The following KLF12 variants were observed in gnomAD, a reference collection of about 807,000 sequenced individuals.
The protein encoded by KLF12 is KLF transcription factor 12.
A neutral mutation model predicts 37.8 loss-of-function variants in KLF12; 9 were observed. The observed-to-expected ratio is 0.24, with a 90% CI of 0.14 to 0.42. The LOEUF is 0.42. Among genes scored for constraint, KLF12 ranks in the 10% least tolerant of loss-of-function variants. The pLI is 1.00. For synonymous variants in KLF12, 208 were observed against 202.1 expected (o/e 1.03, Z -0.25); for missense variants, 411 against 516.0 (o/e 0.80, Z 1.97).
chr13:73,961,878 C>A (rs965051925), intron 2 of KLF12: 1 of 393,934 alleles, frequency 2.5e-6, no homozygotes, highest in Non-Finnish European at 5.0e-6. Flanking sequence ...GCAACAGGAA[C>A]TCTCATTTCT....
At chr13:73,786,426 A>G (rs1881347601) in intron 5 of KLF12, among the ~76,000 whole-genome samples, 1 of 152,114 alleles carries the variant, frequency 6.6e-6, no homozygotes, top group Non-Finnish European at 1.5e-5. Context: ...AAAAACTCTC[A>G]TGTTCTACCC....
chr13:74,133,499 C>T (rs537034863), intron 1 of KLF12, among the ~76,000 whole-genome samples: 4 of 152,222 alleles, frequency 2.6e-5, no homozygotes. Flanking sequence ...CTTCTTTCTT[C>T]TCCACGAATC....
chr13:74,249,147 G>T, the KLF12 span, among the ~76,000 whole-genome samples: 1 of 151,500 alleles, frequency 6.6e-6, no homozygotes, highest in Admixed American at 6.6e-5. Context: ...TTCTTTCTCT[G>T]CCTCAAGATT....
At chr13:73,804,149 C>T (rs1443464311) in intron 5 of KLF12, among the ~76,000 whole-genome samples, 1 of 152,166 alleles carries the variant, frequency 6.6e-6, no homozygotes, top group African/African-American at 2.4e-5. Flanking sequence ...ATACACTCTT[C>T]CACATGCCAA....
At chr13:73,728,010 G>GATGGC (rs1419975275) in intron 6 of KLF12, among the ~76,000 whole-genome samples, 3 of 152,102 alleles carry the variant, frequency 2.0e-5, no homozygotes, top group Admixed American at 6.5e-5. Flanking sequence ...ATCGATTTCT[G>GATGGC]TAAAAGAAAA....
At position 73,686,878 on chromosome 13, in the gene KLF12, GGAAAA is replaced by G. The variant is rs1873525511; in HGVS notation, c.*8607_*8611del. 1 of 151,856 alleles carries G rather than the reference GGAAAA, an allele frequency of 6.6e-6. No individual in the cohort carries two copies. Among genetic ancestry groups the G allele is most frequent in the Admixed American group, 6.6e-5 (1 of 15,234 alleles). 9.4% of individuals were successfully genotyped at this position (151,856 alleles called of 1,614,324 possible). ...CCACGTATAATGAGCTAAACGTCAA[GGAAAA>G]GAAAAAAGATGCCTGCTTGATTTGG... is the stretch of plus-strand genomic sequence containing the variant. On this transcript the variant is annotated 3_prime_UTR_variant, in exon 8 of 8. Transcript: ENST00000377669.
the KLF12 span, chr13:74,259,240 G>A: frequency 6.6e-6 from 1 of 152,222 alleles, no homozygotes; most frequent in Middle Eastern, 3.2e-3. Flanking sequence ...CCCTAATCCA[G>A]GCAATAACAC....
the KLF12 span, among the ~76,000 whole-genome samples, chr13:74,217,254 C>A: frequency 1.3e-5 from 2 of 151,256 alleles, no homozygotes; most frequent in South Asian, 2.1e-4. Context: ...ATAAGAAACC[C>A]ATTCAGAGGA....
the KLF12 span, among the ~76,000 whole-genome samples, chr13:74,215,926 TTC>T: frequency 6.6e-6 from 1 of 152,228 alleles, no homozygotes; most frequent in Non-Finnish European, 1.5e-5. Context: ...CTGGAGCATT[TTC>T]TGCTTCTGCT....
intron 1 of KLF12, among the ~76,000 whole-genome samples, chr13:74,012,436 GCTT>G (rs1566503842): frequency 6.6e-6 from 1 of 152,238 alleles, no homozygotes; most frequent in South Asian, 2.1e-4. Context: ...AAGCAGGGCT[GCTT>G]TTTTAAATTG....
chr13:74,044,990 ATAGG>A, intron 1 of KLF12, among the ~76,000 whole-genome samples: 1 of 152,328 alleles, frequency 6.6e-6, no homozygotes, highest in Non-Finnish European at 1.5e-5. Context: ...AAATGATGTG[ATAGG>A]TAGGTAGATA....
the KLF12 span, among the ~76,000 whole-genome samples, chr13:74,148,666 A>G: frequency 6.6e-6 from 1 of 152,094 alleles, no homozygotes; most frequent in South Asian, 2.1e-4. Flanking sequence ...TGATAGTTAA[A>G]GAGATAGTTT....
intron 6 of KLF12, among the ~76,000 whole-genome samples, chr13:73,716,233 T>C (rs995083582): frequency 1.3e-5 from 2 of 152,208 alleles, no homozygotes; most frequent in Non-Finnish European, 2.9e-5. Context: ...AATGCCCCAG[T>C]AGAAAAACAG....
intron 3 of KLF12, among the ~76,000 whole-genome samples, chr13:73,885,692 TATAA>T (rs1330951626): frequency 6.6e-6 from 1 of 152,162 alleles, no homozygotes; most frequent in African/African-American, 2.4e-5. Flanking sequence ...GACCACAAGC[TATAA>T]ATGAAGAATA....
intron 1 of KLF12, among the ~76,000 whole-genome samples, chr13:74,075,728 G>GT (rs1406842909): frequency 6.6e-6 from 1 of 151,968 alleles, no homozygotes; most frequent in Non-Finnish European, 1.5e-5. Context: ...AATGTACTTT[G>GT]TTTCTCTGAC....
At chr13:73,900,431 ATGAGAATACATCC>A (rs1887987201) in intron 3 of KLF12, among the ~76,000 whole-genome samples, 1 of 152,212 alleles carries the variant, frequency 6.6e-6, no homozygotes, top group Admixed American at 6.5e-5. Flanking sequence ...TCCATAAAAC[ATGAGAATACATCC>A]TGAATCTTTT....
At chr13:73,826,844 T>C (rs56397927) in intron 4 of KLF12, among the ~76,000 whole-genome samples, 38,810 of 152,022 alleles carry the variant, frequency 0.26, 5,140 homozygotes, top group East Asian at 0.49. Context: ...TGCAGTGGCA[T>C]GATCTCGGCT....
At chr13:73,775,948 T>C (rs976174208) in intron 5 of KLF12, among the ~76,000 whole-genome samples, 3 of 152,194 alleles carry the variant, frequency 2.0e-5, no homozygotes, top group Non-Finnish European at 4.4e-5. Context: ...TTCCTTTGAA[T>C]AGAACAAAAT....
intron 3 of KLF12, among the ~76,000 whole-genome samples, chr13:73,890,576 T>G (rs1887456536): frequency 1.3e-5 from 2 of 152,098 alleles, no homozygotes; most frequent in Non-Finnish European, 2.9e-5. Flanking sequence ...TTTAATGGAT[T>G]TTACTATGTT....
Sources: gnomAD v4.1 joint callset for allele counts (sites outside exome capture counted in the v4.1 genomes callset) on GRCh38, gnomAD v4.1.1 for gene constraint, MANE v1.5 for transcripts, NCBI Gene and HGNC (gene_info 2026-07-23, HGNC 2026-07-21) for gene names.